The following REPS2 variants were observed in gnomAD, a reference collection of about 807,000 sequenced individuals.
REPS2 encodes the protein ralBP1-associated Eps domain-containing protein 2.
In REPS2, 23 loss-of-function variants were observed where a neutral mutation model predicts 53.6. The observed-to-expected ratio is 0.43, with a 90% CI of 0.31 to 0.61. REPS2 has a LOEUF of 0.61. Among genes scored for constraint, REPS2 ranks in the 20% least tolerant of loss-of-function variants. REPS2 has a pLI of 0.11. For synonymous variants in REPS2, 238 were observed against 218.6 expected (o/e 1.09, Z -0.78); for missense variants, 446 against 534.9 (o/e 0.83, Z 1.64).
chrX:17,107,989 T>A (rs746075151), intron 14 of REPS2, among the ~76,000 whole-genome samples: 10 of 111,136 alleles, frequency 9.0e-5, no homozygotes, highest in Non-Finnish European at 1.5e-4. Flanking sequence ...GTTCAGGGCT[T>A]ACTGCAGCCT....
downstream of REPS2, among the ~76,000 whole-genome samples, chrX:17,155,455 T>C (rs1159692823): frequency 8.9e-6 from 1 of 111,780 alleles, no homozygotes; most frequent in Non-Finnish European, 1.9e-5. Context: ...TGAGTTTTGC[T>C]GGGGACAAAC....
intron 1 of REPS2, among the ~76,000 whole-genome samples, chrX:17,002,299 A>T (rs188539600): frequency 1.3e-4 from 14 of 111,226 alleles, no homozygotes; most frequent in Non-Finnish European, 1.9e-5. Context: ...TTAGCATAGC[A>T]CTCAGCACAT....
At chrX:17,055,275 C>T (rs1236148793) in intron 8 of REPS2, among the ~76,000 whole-genome samples, 10 of 56,674 alleles carry the variant, frequency 1.8e-4, no homozygotes, top group South Asian at 1.1e-3. Flanking sequence ...GAGTAGGTTG[C>T]GAAAATTTTC....
At position 16,974,078 on chromosome X, in the gene REPS2, A is replaced by G. The variant is rs184937825; in HGVS notation, c.273+26944A>G. Among the ~76,000 whole-genome samples the G allele has an allele frequency of 2.7e-5, 3 of 111,716 alleles. No individual in the cohort carries two copies. The Admixed American group carries it at 2.9e-4, about 11-fold the overall frequency. On this transcript the variant is annotated intron_variant, in intron 1 of 17. Transcript: ENST00000357277. ...CTGAAGTATTAAGTTTGAAAACTGT[A>G]CATAAGCACACTGTTATTCAAATTT... is the stretch of plus-strand genomic sequence containing the variant.
At position 17,103,790 on chromosome X, in the gene REPS2, T is replaced by C. The variant is rs1009343277; in HGVS notation, c.1578+11T>C. ...CCTTGTCCATCACAGGTAGGAGACA[T>C]ATTTGATTTATGTAAACTGTTCGGT... On this transcript the variant is annotated intron_variant, in intron 14 of 17. Transcript: ENST00000357277. 1.5e-5 allele frequency: 18 copies of C among 1,200,849 alleles called. No individual in the cohort carries two copies. The highest frequency in any genetic ancestry group is 2.0e-5 in the Non-Finnish European group (18 of 885,970).
rs185554422 is a variant in REPS2, at chrX:16,988,364, A to G, written c.274-17857A>G. 2.7e-5 allele frequency among the ~76,000 whole-genome samples: 3 copies of G among 112,438 alleles called. No individual in the cohort carries two copies. The East Asian group carries it at 8.3e-4, about 31-fold the overall frequency. On this transcript the variant is annotated intron_variant, in intron 1 of 17. Transcript: ENST00000357277. ...CCCTGAGAAATCTACAGTCTACAGA[A>G]TAACTCCTAGACCTAATTAAGTGAG...
At chrX:17,092,121 G>A (rs931344321) in intron 13 of REPS2, among the ~76,000 whole-genome samples, 1 of 111,572 alleles carries the variant, frequency 9.0e-6, no homozygotes, top group African/African-American at 3.3e-5. Flanking sequence ...CTGAAGAATC[G>A]GCTCTCTGTT....
At chrX:17,134,858 G>A (rs1421602069) in intron 15 of REPS2, among the ~76,000 whole-genome samples, 4 of 110,478 alleles carry the variant, frequency 3.6e-5, no homozygotes, top group African/African-American at 1.3e-4. Flanking sequence ...TCCTGACCTC[G>A]TGATCCGACC....
chrX:17,015,030 TTTC>T (rs1410290918), intron 2 of REPS2, among the ~76,000 whole-genome samples: 3 of 113,277 alleles, frequency 2.6e-5, no homozygotes, highest in Non-Finnish European at 5.6e-5. Flanking sequence ...CTCCGGCCAG[TTTC>T]TTAATTTCTC....
chrX:17,037,370 G>A (rs1234748220), intron 5 of REPS2, among the ~76,000 whole-genome samples: 2 of 112,276 alleles, frequency 1.8e-5, no homozygotes, highest in African/African-American at 3.2e-5. Flanking sequence ...GTGCAGTGGC[G>A]CGATCTTGGC....
Position 17,025,121 on chromosome X carries a change from C to T in REPS2, c.609C>T (p.Tyr203=). The change falls in exon 4 of 18, where the codon TAC becomes TAT. Residue 203 remains tyrosine, a synonymous_variant. Coordinates refer to ENST00000357277, the MANE Select transcript of REPS2 (RefSeq NM_004726.3). ...LASPPSSPPH[Y]QRVPLSHGYS... ...CCCCTCCTTCTTCCCCGCCTCATTA[C>T]CAGAGGGTGCCCTTGAGCCATGGCT... 8.3e-7 allele frequency: 1 copy of T among 1,211,699 alleles called. No individual in the cohort carries two copies. Among genetic ancestry groups the T allele is most frequent in the Non-Finnish European group, 1.1e-6 (1 of 895,433 alleles).
chrX:17,162,956 T>C, the REPS2 span, among the ~76,000 whole-genome samples: 1 of 111,976 alleles, frequency 8.9e-6, no homozygotes, highest in South Asian at 3.7e-4. Flanking sequence ...TGACAAATTA[T>C]AGGATATAAA....
At chrX:17,111,959 T>C (rs928893648) in intron 14 of REPS2, among the ~76,000 whole-genome samples, 6 of 110,831 alleles carry the variant, frequency 5.4e-5, no homozygotes, top group African/African-American at 1.6e-4. Flanking sequence ...CCAGAAATAC[T>C]ATAATGGAAA....
chrX:16,946,750 TGGTGGCGGCGGCGGCGGC>T lies in REPS2; in HGVS notation c.-109_-92del. 1.4e-6 allele frequency: 1 copy of T among 700,660 alleles called. No homozygotes were observed. The highest frequency in any genetic ancestry group is 1.7e-6 in the Non-Finnish European group (1 of 605,918). The allele number at this position is 700,660 out of a possible 1,213,427, so 57.7% of individuals were successfully genotyped here. ...GTGGGGGTGGTGGTGGCGGCGGCGG[TGGTGGCGGCGGCGGCGGC>T]GGCGGCAGCTGAGGCCGAGGAGGCG... On this transcript the variant is annotated 5_prime_UTR_variant, in exon 1 of 18. Coordinates refer to ENST00000357277, the MANE Select transcript of REPS2 (RefSeq NM_004726.3).
chrX:17,035,184 A>G (rs1234574892), intron 5 of REPS2, among the ~76,000 whole-genome samples: 1 of 110,426 alleles, frequency 9.1e-6, no homozygotes, highest in Non-Finnish European at 1.9e-5. Context: ...GTCACCACAA[A>G]TAAATTGTTC....
chrX:17,094,526 T>C (rs1303888645), intron 13 of REPS2, among the ~76,000 whole-genome samples: 2 of 112,303 alleles, frequency 1.8e-5, no homozygotes, highest in Non-Finnish European at 3.8e-5. Context: ...TTGAACCATT[T>C]AATTGATTAT....
Position 17,148,813 on chromosome X carries a change from T to C in REPS2, c.*1332T>C. 3.3e-6 allele frequency: 1 copy of C among 304,417 alleles called. No homozygotes were observed. Among genetic ancestry groups the C allele is most frequent in the Non-Finnish European group, 6.3e-6 (1 of 158,175 alleles). 25.1% of individuals were successfully genotyped at this position (304,417 alleles called of 1,213,427 possible). ...TTGAGAGACCAATGGCAAGAAATGC[T>C]GTCTCTTGTGCATTTTACTAATTTC... On this transcript the variant is annotated 3_prime_UTR_variant, in exon 18 of 18. Transcript: ENST00000357277.
intron 1 of REPS2, among the ~76,000 whole-genome samples, chrX:16,995,355 G>A (rs1169271654): frequency 8.9e-6 from 1 of 112,366 alleles, no homozygotes; most frequent in Admixed American, 9.4e-5. Context: ...ATTGCGCAGT[G>A]AATTTGGTTC....
chrX:17,176,447 G>A, the REPS2 span, among the ~76,000 whole-genome samples: 1 of 112,015 alleles, frequency 8.9e-6, no homozygotes, highest in Non-Finnish European at 1.9e-5. Flanking sequence ...TTTCCTGACA[G>A]CTCAGAGCAG....
Sources: gnomAD v4.1 joint callset for allele counts (sites outside exome capture counted in the v4.1 genomes callset) on GRCh38, gnomAD v4.1.1 for gene constraint, MANE v1.5 for transcripts, NCBI Gene and HGNC (gene_info 2026-07-23, HGNC 2026-07-21) for gene names.